The following ADAMTSL1 variants were observed in gnomAD, a reference collection of about 807,000 sequenced individuals.
The protein encoded by ADAMTSL1 is ADAMTS-like protein 1.
In ADAMTSL1, 126 loss-of-function variants were observed where a neutral mutation model predicts 201.8. The ratio of observed to expected loss-of-function variants is 0.62; its 90% CI spans 0.54 to 0.72. The LOEUF (loss-of-function observed/expected upper bound fraction) is 0.72. Among genes scored for constraint, ADAMTSL1 ranks in the 30% least tolerant of loss-of-function variants. The probability of loss-of-function intolerance (pLI) is 0.00; values close to 1 mark genes in which losing one functional copy is unlikely to be tolerated. For missense variants in ADAMTSL1, 2,679 were observed against 2,277.8 expected (o/e 1.18, Z -3.59); for synonymous variants, 1,121 against 903.4 (o/e 1.24, Z -4.32).
intron 4 of ADAMTSL1, among the ~76,000 whole-genome samples, chr9:18,594,572 T>C (rs1170751671): frequency 6.6e-6 from 1 of 152,198 alleles, no homozygotes; most frequent in Non-Finnish European, 1.5e-5. Context: ...CACTGATTGT[T>C]TCTTCTGTTT....
intron 15 of ADAMTSL1, among the ~76,000 whole-genome samples, chr9:18,749,572 C>T (rs1490399363): frequency 1.3e-5 from 2 of 152,180 alleles, no homozygotes; most frequent in African/African-American, 4.8e-5. Context: ...CCACTCATAG[C>T]CAACCTTGCC....
At chr9:18,587,651 A>G (rs1587648245) in intron 4 of ADAMTSL1, among the ~76,000 whole-genome samples, 1 of 152,100 alleles carries the variant, frequency 6.6e-6, no homozygotes, top group African/African-American at 2.4e-5. Flanking sequence ...TGCTTCCCTT[A>G]CCAGCCTCTG....
chr9:18,466,009 C>T (rs139800696), intron 2 of ADAMTSL1, among the ~76,000 whole-genome samples: 185 of 152,256 alleles, frequency 1.2e-3, no homozygotes, highest in African/African-American at 4.3e-3. Flanking sequence ...CCTCAGCCTC[C>T]CAAAGTGCTG....
chr9:17,980,955 C>G (rs985067178), intron 1 of ADAMTSL1, among the ~76,000 whole-genome samples: 5 of 152,100 alleles, frequency 3.3e-5, no homozygotes, highest in Non-Finnish European at 7.3e-5. Context: ...GTGCTGCACT[C>G]TTGACAACCA....
chr9:17,930,864 G>T (rs1357971396), intron 1 of ADAMTSL1, among the ~76,000 whole-genome samples: 2 of 152,164 alleles, frequency 1.3e-5, no homozygotes, highest in Non-Finnish European at 2.9e-5. Context: ...AGGCTCTTGT[G>T]TAGCTGTATT....
chr9:18,775,609 A>G, intron 17 of ADAMTSL1, 134 bp from the exon 18 acceptor site: 7 of 1,186,710 alleles, frequency 5.9e-6, no homozygotes, highest in Non-Finnish European at 8.4e-6. Context: ...TGACCTCATA[A>G]TTAGTATTTC....
chr9:18,644,386 T>A (rs1179885984), intron 7 of ADAMTSL1, among the ~76,000 whole-genome samples: 1 of 91,738 alleles, frequency 1.1e-5, no homozygotes, highest in Admixed American at 1.2e-4. Context: ...TTTATTTTTA[T>A]TTTTTTAATT....
rs763566951 is a variant in ADAMTSL1, at chr9:17,987,192, CA to C, written c.87+80271del. The stretch of plus-strand genomic sequence containing the variant: ...TACATTTAGGAATCTAAAGTAATGG[CA>C]GTAGCAGATGCATCAGGGCAGTGAA... On this transcript the variant is annotated intron_variant, in intron 1 of 29. Coordinates refer to the ADAMTSL1 transcript ENST00000680146. 4.8e-4 allele frequency among the ~76,000 whole-genome samples: 73 copies of C among 152,168 alleles called. 1 individual carries two copies. The highest frequency in any genetic ancestry group is 8.2e-4 in the Non-Finnish European group (56 of 67,954).
rs76778655 is a variant in ADAMTSL1 at position 18,866,116 on chromosome 9, C to CAAAAAAAAAAAAAAAAAAAAAAA, written c.4250-21701_4250-21700insAAAAAAAAAAAAAAAAAAAAAAA. Among the ~76,000 whole-genome samples the CAAAAAAAAAAAAAAAAAAAAAAA allele has an allele frequency of 9.2e-4, 72 of 78,528 alleles. 6 individuals carry two copies. The highest frequency in any genetic ancestry group is 3.1e-3 in the East Asian group (8 of 2,546). The allele number at this position is 78,528 out of a possible 152,430, so 51.5% of individuals were successfully genotyped here. ...AGAGAGATTGCTTGCCTTCAAAAACCAAAAAAAAAAAAAATGACGGATACT... is the reference window on the plus strand; with the variant it reads ...AGAGAGATTGCTTGCCTTCAAAAACCAAAAAAAAAAAAAAAAAAAAAAAAAAAAAAAAAAAAATGACGGATACT... On this transcript the variant is annotated intron_variant, in intron 23 of 28. Transcript: ENST00000380548.
intron 1 of ADAMTSL1, among the ~76,000 whole-genome samples, chr9:18,056,489 C>T (rs531637430): frequency 1.3e-5 from 2 of 152,150 alleles, no homozygotes; most frequent in Non-Finnish European, 2.9e-5. Flanking sequence ...ATTCCACCTT[C>T]AGAGGGTGAC....
chr9:18,216,247 C>A (rs1273373430), intron 2 of ADAMTSL1, among the ~76,000 whole-genome samples: 1 of 152,188 alleles, frequency 6.6e-6, no homozygotes, highest in African/African-American at 2.4e-5. Context: ...TACACCCCCA[C>A]CTGTGGGTGT....
intron 6 of ADAMTSL1, among the ~76,000 whole-genome samples, 174 bp from the exon 7 acceptor site, chr9:18,639,080 A>C (rs760611554): frequency 6.6e-6 from 1 of 152,104 alleles, no homozygotes; most frequent in African/African-American, 2.4e-5. Flanking sequence ...ATAAATTCCT[A>C]TGTGACTCAG....
chr9:18,222,094 C>T (rs1208269264), intron 2 of ADAMTSL1, among the ~76,000 whole-genome samples: 1 of 151,916 alleles, frequency 6.6e-6, no homozygotes, highest in African/African-American at 2.4e-5. Context: ...ATTAAAATGG[C>T]TATCTATGAT....
intron 23 of ADAMTSL1, among the ~76,000 whole-genome samples, chr9:18,858,601 G>C (rs1292075523): frequency 1.3e-5 from 2 of 152,252 alleles, no homozygotes; most frequent in African/African-American, 4.8e-5. Context: ...TAGAGAACAA[G>C]AGGAGTAGGT....
intron 2 of ADAMTSL1, among the ~76,000 whole-genome samples, chr9:18,299,604 A>G (rs1454472795): frequency 6.6e-6 from 1 of 152,136 alleles, no homozygotes; most frequent in Non-Finnish European, 1.5e-5. Flanking sequence ...AAATAATGGG[A>G]CGTGCTCACC....
intron 2 of ADAMTSL1, among the ~76,000 whole-genome samples, chr9:18,230,557 A>G (rs1830610653): frequency 6.6e-6 from 1 of 152,140 alleles, no homozygotes; most frequent in South Asian, 2.1e-4. Flanking sequence ...CCTAATAAAT[A>G]AATTATATCA....
rs906160724 is a variant in ADAMTSL1, at chr9:18,769,309, A to G, written c.2218-1293A>G. Among the ~76,000 whole-genome samples the G allele has an allele frequency of 4.6e-5, 7 of 152,318 alleles. No homozygotes were observed. The East Asian group carries it at 1.4e-3, about 29-fold the overall frequency. ...TTCAGCACAAACTCTCACGCTTTTT[A>G]AAACCAGGCTTGATCTCTCAGCAAG... is the stretch of plus-strand genomic sequence containing the variant. On this transcript the variant is annotated intron_variant, in intron 16 of 28. Coordinates refer to ENST00000380548, the MANE Select transcript of ADAMTSL1 (RefSeq NM_001040272.6).
At chr9:18,842,826 A>G (rs1339728331) in intron 23 of ADAMTSL1, among the ~76,000 whole-genome samples, 4 of 152,006 alleles carry the variant, frequency 2.6e-5, no homozygotes, top group African/African-American at 9.7e-5. Context: ...TGTTGGTTTG[A>G]AGTCTGTTTT....
chr9:18,736,987 C>T (rs1288067362), intron 15 of ADAMTSL1, among the ~76,000 whole-genome samples: 1 of 152,112 alleles, frequency 6.6e-6, no homozygotes, highest in Non-Finnish European at 1.5e-5. Flanking sequence ...GCCCACTTGT[C>T]CACATAGAAC....
Sources: allele counts gnomAD v4.1 joint callset (sites outside exome capture counted in the v4.1 genomes callset), GRCh38; gene constraint gnomAD v4.1.1; transcripts MANE v1.5; gene names NCBI Gene and HGNC (gene_info 2026-07-23, HGNC 2026-07-21).